The following SREK1 variants were observed in gnomAD, a reference collection of about 807,000 sequenced individuals.
SREK1 encodes the protein splicing regulatory glutamine/lysine-rich protein 1.
Under a neutral mutation model 66.5 loss-of-function variants are expected in SREK1, and 13 were observed. The ratio of observed to expected loss-of-function variants is 0.20; its 90% CI spans 0.13 to 0.31. The LOEUF (loss-of-function observed/expected upper bound fraction) is 0.31, where lower values mean the gene tolerates loss of function less well. Among genes scored for constraint, SREK1 ranks in the 10% least tolerant of loss-of-function variants. The pLI is 1.00. For synonymous variants in SREK1, 265 were observed against 263.5 expected (o/e 1.01, Z -0.05); for missense variants, 607 against 769.6 (o/e 0.79, Z 2.50).
intron 2 of SREK1, chr5:66,153,849 A>G: frequency 2.4e-6 from 1 of 408,944 alleles, no homozygotes; most frequent in East Asian, 4.9e-5. Flanking sequence ...GTCAATTTGC[A>G]GATTGCAAAG....
At chr5:66,163,533 A>G (rs996546386) in intron 5 of SREK1, 1 of 302,172 alleles carries the variant, frequency 3.3e-6, no homozygotes, top group Admixed American at 4.6e-5. Flanking sequence ...AAAGCACTTC[A>G]TCTAGTCTGT....
chr5:66,147,569 C>T (rs1371544136), intron 1 of SREK1, among the ~76,000 whole-genome samples: 1 of 152,142 alleles, frequency 6.6e-6, no homozygotes, highest in African/African-American at 2.4e-5. Context: ...AGACATTTTT[C>T]CTGTGTTGAT....
Position 66,183,431 on chromosome 5 carries a change from TGATTA to T in SREK1, c.*4569_*4573del, listed in dbSNP as rs748719917. The T allele has an allele frequency of 1.4e-4, 21 of 152,118 alleles. No individual in the cohort carries two copies. The highest frequency in any genetic ancestry group is 2.8e-4 in the Non-Finnish European group (19 of 68,006). 9.4% of individuals were successfully genotyped at this position (152,118 alleles called of 1,614,324 possible). A position where few individuals can be genotyped will look rare whatever the true frequency, so the allele number is the denominator to read the frequency against. ...AATGCTTAAAAAATTACCTCCTTAA[TGATTA>T]GATTAATAGAACAGTGTTAGATTAT... On this transcript the variant is annotated 3_prime_UTR_variant, in exon 12 of 12. Transcript: ENST00000334121.
chr5:66,159,249 C>G lies in SREK1; in HGVS notation c.326C>G (p.Ser109Cys). Residue 109 changes from serine (S) to cysteine (C), a missense_variant, in exon 3 of 12, where the codon TCT becomes TGT. By Grantham distance (112) the Ser-to-Cys change is moderately radical. This residue lies in a region of SREK1 where 99 missense variants were observed against 186.6 expected (regional missense o/e 0.53). Coordinates refer to ENST00000334121, the MANE Select transcript of SREK1 (RefSeq NM_001077199.3). Reference sequence around the variant, plus strand: ...ATCCCAGAGGAATCCAAAGCCCTCTCTTTATTGGCTCCTGCTCCAACCATG... The same window carrying G: ...ATCCCAGAGGAATCCAAAGCCCTCTGTTTATTGGCTCCTGCTCCAACCATG... ...GKIPEESKAL[S>C]LLAPAPTMTS... The G allele has an allele frequency of 6.2e-7, 1 of 1,613,386 alleles. No homozygotes were observed. Among genetic ancestry groups the G allele is most frequent in the Non-Finnish European group, 8.5e-7 (1 of 1,179,738 alleles).
Position 66,160,824 on chromosome 5 carries a change from A to G in SREK1, c.412-1285A>G, listed in dbSNP as rs539793177. 3.3e-5 allele frequency among the ~76,000 whole-genome samples: 5 copies of G among 152,300 alleles called. No homozygotes were observed. The East Asian group carries it at 9.6e-4, about 29-fold the overall frequency. On this transcript the variant is annotated intron_variant, in intron 3 of 11. Transcript: ENST00000334121. ...TCATTAATGGTCAAAATGTTCTCTA[A>G]TAGTATAAGTGGAAATGAAAAGAGT...
intron 2 of SREK1, chr5:66,156,418 A>G: frequency 1.8e-6 from 2 of 1,093,856 alleles, no homozygotes; most frequent in Non-Finnish European, 2.2e-6. Context: ...CTTAAGATAA[A>G]GCAAATTTTC....
In SREK1 at chr5:66,164,766, T is replaced by G; in HGVS notation, c.887-17T>G. 6.2e-7 allele frequency: 1 copy of G among 1,613,900 alleles called. No homozygotes were observed. Among genetic ancestry groups the G allele is most frequent in the Non-Finnish European group, 8.5e-7 (1 of 1,179,822 alleles). ...ATTGTTCTGAGCTTACACTGCAAAG[T>G]GATTTTTTCCTCCCAGAGTCTGGAA... On this transcript the variant is annotated splice_polypyrimidine_tract_variant and intron_variant, in intron 6 of 11. Transcript: ENST00000334121.
chr5:66,158,675 T>TA, intron 2 of SREK1: 1 of 737,170 alleles, frequency 1.4e-6, no homozygotes, highest in South Asian at 1.8e-5. Flanking sequence ...GGGCACTCAT[T>TA]AAGAAATTTC....
chr5:66,162,601 T>C lies in SREK1; in HGVS notation c.755+9T>C. The C allele has an allele frequency of 6.4e-7, 1 of 1,565,578 alleles. No homozygotes were observed. Among genetic ancestry groups the C allele is most frequent in the Non-Finnish European group, 8.7e-7 (1 of 1,155,210 alleles). ...GGAGACAGGCCACTGAAGTAAGAAA[T>C]CCTAAACAAAGAAATTTTAATGATT... is the stretch of plus-strand genomic sequence containing the variant. On this transcript the variant is annotated intron_variant, in intron 5 of 11. Coordinates refer to ENST00000334121, the MANE Select transcript of SREK1 (RefSeq NM_001077199.3).
intron 1 of SREK1, among the ~76,000 whole-genome samples, chr5:66,148,861 T>A (rs1430956160): frequency 6.6e-6 from 1 of 152,186 alleles, no homozygotes; most frequent in Non-Finnish European, 1.5e-5. Context: ...TTGCCCAGGC[T>A]GGTCTTGAAC....
chr5:66,154,115 T>A (rs1377080663), intron 2 of SREK1, among the ~76,000 whole-genome samples: 1 of 152,166 alleles, frequency 6.6e-6, no homozygotes, highest in Non-Finnish European at 1.5e-5. Flanking sequence ...GCTTTGCAAC[T>A]GGAATTTAAT....
intron 1 of SREK1, among the ~76,000 whole-genome samples, chr5:66,146,802 C>T (rs1053966715): frequency 6.6e-6 from 1 of 152,078 alleles, no homozygotes; most frequent in African/African-American, 2.4e-5. Flanking sequence ...TATTTTATGA[C>T]ATCTTTAGAG....
At chr5:66,155,770 T>G (rs989245296) in intron 2 of SREK1, among the ~76,000 whole-genome samples, 5 of 152,250 alleles carry the variant, frequency 3.3e-5, no homozygotes, top group Non-Finnish European at 7.3e-5. Flanking sequence ...AAGTAACATT[T>G]GATGTGTAAC....
chr5:66,182,485 T>A lies in SREK1; in HGVS notation c.*3617T>A, dbSNP rs1746576127. The A allele has an allele frequency of 6.6e-6, 1 of 152,214 alleles. No individual in the cohort carries two copies. The highest frequency in any genetic ancestry group is 2.4e-5 in the African/African-American group (1 of 41,450). 9.4% of individuals were successfully genotyped at this position (152,214 alleles called of 1,614,324 possible). On this transcript the variant is annotated 3_prime_UTR_variant, in exon 12 of 12. Transcript: ENST00000334121. ...AATTTTAAAATAAAATTGACTTCCC[T>A]ACTTAATCTTGGGTTTGTGGGTGAG...
intron 7 of SREK1, chr5:66,168,236 T>C (rs1745327019): frequency 1.3e-5 from 2 of 152,214 alleles, no homozygotes; most frequent in Non-Finnish European, 2.9e-5. Flanking sequence ...GTAATGTTGA[T>C]TAGTATTTTA....
chr5:66,167,564 ACTT>A (rs1745277819), intron 7 of SREK1: 2 of 152,204 alleles, frequency 1.3e-5, no homozygotes, highest in Non-Finnish European at 2.9e-5. Context: ...GCTCTTGACT[ACTT>A]CTAGCATTCT....
At chr5:66,178,438 A>G (rs972166768) in intron 11 of SREK1, among the ~76,000 whole-genome samples, 3 of 151,936 alleles carry the variant, frequency 2.0e-5, no homozygotes, top group African/African-American at 4.8e-5. Context: ...CTTTCAATAG[A>G]TCTGTCTCCG....
rs1561504560 is a variant in SREK1 at position 66,162,547 on chromosome 5, G to A, written c.710G>A (p.Arg237Lys). 6.2e-7 allele frequency: 1 copy of A among 1,613,920 alleles called. No individual in the cohort carries two copies. The highest frequency in any genetic ancestry group is 8.5e-7 in the Non-Finnish European group (1 of 1,179,884). ...TTTGCAGACCAAAATTCTGTACCAA[G>A]GGCCCTTGCTTTTAATGGAGTTATG... ...VEFADQNSVP[R>K]ALAFNGVMFG... is the part of the protein sequence containing the mutation. The change falls in exon 5 of 12, where the codon AGG becomes AAG. Residue 237 changes from arginine to lysine, a missense_variant. Coordinates refer to ENST00000334121, the MANE Select transcript of SREK1 (RefSeq NM_001077199.3).
chr5:66,176,218 C>CA (rs1746042361), intron 10 of SREK1, among the ~76,000 whole-genome samples: 1 of 152,004 alleles, frequency 6.6e-6, no homozygotes, highest in South Asian at 2.1e-4. Flanking sequence ...TTGCCTTTGT[C>CA]ATGTGCTGTG....
Sources: allele counts gnomAD v4.1 joint callset (sites outside exome capture counted in the v4.1 genomes callset), GRCh38; gene constraint gnomAD v4.1.1; regional missense constraint gnomAD v4.1.1; transcripts MANE v1.5; gene names NCBI Gene and HGNC (gene_info 2026-07-23, HGNC 2026-07-21).